Variants in THOC2 observed in about 807,000 individuals in gnomAD.
The protein encoded by THOC2 is THO complex 2.
Under a neutral mutation model 128.4 loss-of-function variants are expected in THOC2, and 10 were observed. The observed-to-expected ratio is 0.08, with a 90% CI of 0.05 to 0.13. The LOEUF (loss-of-function observed/expected upper bound fraction) is 0.13. Among genes scored for constraint, THOC2 ranks in the 10% least tolerant of loss-of-function variants. The pLI, the probability that THOC2 is intolerant of heterozygous loss-of-function variation, is 1.00. For missense variants in THOC2, 535 were observed against 1,155.7 expected (o/e 0.46, Z 7.79); for synonymous variants, 393 against 396.9 (o/e 0.99, Z 0.12).
intron 1 of THOC2, among the ~76,000 whole-genome samples, chrX:123,729,352 T>C (rs1181351098): frequency 8.9e-6 from 1 of 112,062 alleles, no homozygotes; most frequent in Non-Finnish European, 1.9e-5. Context: ...AATACAGTTT[T>C]ACTTTTCTCT....
chrX:123,707,742 C>T (rs1200525171), intron 2 of THOC2, among the ~76,000 whole-genome samples: 2 of 110,714 alleles, frequency 1.8e-5, no homozygotes, highest in Non-Finnish European at 1.9e-5. Flanking sequence ...TTTAAAGATG[C>T]TAATGTAAAA....
intron 2 of THOC2, among the ~76,000 whole-genome samples, chrX:123,708,783 G>A (rs991429732): frequency 1.4e-4 from 16 of 110,647 alleles, no homozygotes; most frequent in South Asian, 1.2e-3. Context: ...ACAGAGTCTC[G>A]CCCTCCAGGC....
chrX:123,726,457 G>A (rs2051991020), intron 1 of THOC2, among the ~76,000 whole-genome samples: 1 of 106,917 alleles, frequency 9.4e-6, no homozygotes, highest in Admixed American at 1.0e-4. Flanking sequence ...AGGCTGCAGT[G>A]AGCCAAGATC....
intron 17 of THOC2, among the ~76,000 whole-genome samples, chrX:123,638,464 C>T (rs1432042151): frequency 9.0e-6 from 1 of 110,930 alleles, no homozygotes; most frequent in East Asian, 2.8e-4. Context: ...TTCAAGATCA[C>T]CCTGGCCAAC....
chrX:123,700,881 GTCA>G (rs994960051), intron 4 of THOC2, among the ~76,000 whole-genome samples: 2 of 110,958 alleles, frequency 1.8e-5, no homozygotes, highest in African/African-American at 3.3e-5. Context: ...CATTATTATT[GTCA>G]TCATCATCAT....
intron 2 of THOC2, among the ~76,000 whole-genome samples, chrX:123,712,367 T>C (rs1442082968): frequency 8.9e-6 from 1 of 112,027 alleles, no homozygotes; most frequent in Non-Finnish European, 1.9e-5. Flanking sequence ...TTTCATTTAA[T>C]AAATCATATC....
At chrX:123,632,795 A>C in intron 21 of THOC2, 66 bp downstream of exon 21, 1 of 928,119 alleles carries the variant, frequency 1.1e-6, no homozygotes, top group Non-Finnish European at 1.5e-6. Flanking sequence ...TTCAAATTAT[A>C]ACACATTATC....
intron 8 of THOC2, among the ~76,000 whole-genome samples, chrX:123,674,155 T>C (rs2049392291): frequency 8.9e-6 from 1 of 112,084 alleles, no homozygotes; most frequent in African/African-American, 3.2e-5. Context: ...GTTCTAACCA[T>C]TAATGAAAGT....
chrX:123,641,290 A>G (rs971928563), intron 15 of THOC2, among the ~76,000 whole-genome samples: 2 of 112,229 alleles, frequency 1.8e-5, no homozygotes, highest in Admixed American at 9.5e-5. Flanking sequence ...AGATGATTAC[A>G]TAATAAATCT....
At chrX:123,609,665 G>A (rs2046623049) in intron 38 of THOC2, among the ~76,000 whole-genome samples, 1 of 111,654 alleles carries the variant, frequency 9.0e-6, no homozygotes, top group Admixed American at 9.5e-5. Flanking sequence ...TATTAACGAA[G>A]TATAGAAAAG....
intron 2 of THOC2, among the ~76,000 whole-genome samples, chrX:123,709,478 C>T (rs1054221055): frequency 9.0e-6 from 1 of 110,688 alleles, no homozygotes; most frequent in Non-Finnish European, 1.9e-5. Flanking sequence ...GTAGTCCCGG[C>T]TACTCAGGAG....
rs1365466507 is a variant in THOC2, at chrX:123,720,555, T to C, written c.72-7647A>G. On this transcript the variant is annotated intron_variant, in intron 1 of 38. Transcript: ENST00000245838. ...TACCAAATGATCCAGCATTCCTACT[T>C]CTGAGTACTTATCCAAAAAAATTTA... is the stretch of plus-strand genomic sequence containing the variant. 2.7e-5 allele frequency among the ~76,000 whole-genome samples: 3 copies of C among 112,086 alleles called. No individual in the cohort carries two copies. The Admixed American group carries it at 2.9e-4, about 11-fold the overall frequency.
chrX:123,730,339 C>A lies in THOC2; in HGVS notation c.71+2613G>T, dbSNP rs773542504. ...GATTACAGGCATGTGCCACCACGCT[C>A]GGCAAATTTTGTACTTTTAGTAGAG... On this transcript the variant is annotated intron_variant, in intron 1 of 38. Transcript: ENST00000245838. Among the ~76,000 whole-genome samples the A allele has an allele frequency of 5.4e-5, 6 of 111,179 alleles. No individual in the cohort carries two copies. The South Asian group carries it at 2.3e-3, about 43-fold the overall frequency.
At chrX:123,700,712 A>G (rs1404214920) in intron 4 of THOC2, among the ~76,000 whole-genome samples, 1 of 111,944 alleles carries the variant, frequency 8.9e-6, no homozygotes, top group Admixed American at 9.5e-5. Context: ...ACTGGCTTGC[A>G]TGGCCTTGAA....
chrX:123,719,187 A>G (rs1227349782), intron 1 of THOC2, among the ~76,000 whole-genome samples: 1 of 109,845 alleles, frequency 9.1e-6, no homozygotes, highest in Non-Finnish European at 1.9e-5. Flanking sequence ...CCCAAAAAAA[A>G]AAAAAAGAAG....
chrX:123,689,535 T>A (rs1459484822), intron 7 of THOC2, among the ~76,000 whole-genome samples: 1 of 111,168 alleles, frequency 9.0e-6, no homozygotes, highest in Non-Finnish European at 1.9e-5. Flanking sequence ...CAAGTGATCT[T>A]CCCATCTCAG....
At chrX:123,613,798 A>G in intron 34 of THOC2, 90 bp from the exon 35 acceptor site, 2 of 858,075 alleles carry the variant, frequency 2.3e-6, no homozygotes, top group Non-Finnish European at 3.4e-6. Flanking sequence ...ACAGCTAACT[A>G]GCAATGGAGA....
intron 2 of THOC2, among the ~76,000 whole-genome samples, 193 bp from the exon 3 acceptor site, chrX:123,707,142 A>G (rs2050967166): frequency 1.8e-5 from 2 of 111,961 alleles, no homozygotes; most frequent in Non-Finnish European, 3.8e-5. Context: ...AATGTTAACC[A>G]TCTCTCCACT....
intron 12 of THOC2, among the ~76,000 whole-genome samples, chrX:123,654,758 C>CAAAAAA (rs149260708): frequency 4.1e-5 from 1 of 24,356 alleles, no homozygotes; most frequent in Non-Finnish European, 6.2e-5. Context: ...GACTCCGTCT[C>CAAAAAA]AAAAAAAAAA....
Sources: gnomAD v4.1 joint callset for allele counts (sites outside exome capture counted in the v4.1 genomes callset) on GRCh38, gnomAD v4.1.1 for gene constraint, MANE v1.5 for transcripts, NCBI Gene and HGNC (gene_info 2026-07-23, HGNC 2026-07-21) for gene names.